The following PRKX variants were observed in gnomAD, a reference collection of about 807,000 sequenced individuals.
The protein encoded by PRKX is cAMP-dependent protein kinase catalytic subunit PRKX.
A neutral mutation model predicts 22.0 loss-of-function variants in PRKX; 12 were observed. That is an observed-to-expected ratio of 0.54 (90% CI 0.35 to 0.88). The LOEUF is 0.88. Ranked by LOEUF, PRKX falls within the 40% of genes least tolerant of loss-of-function variation. The pLI is 0.01. For missense variants in PRKX, 217 were observed against 308.0 expected, an observed-to-expected ratio of 0.70 and a Z score of 2.21; for synonymous variants, 134 against 137.7, an observed-to-expected ratio of 0.97 and a Z score of 0.19.
intron 3 of PRKX, among the ~76,000 whole-genome samples, chrX:3,652,896 A>G (rs1265522840): frequency 9.1e-6 from 1 of 110,265 alleles, no homozygotes; most frequent in African/African-American, 3.3e-5. Flanking sequence ...CAGGGAGGAG[A>G]CAGCGTCTCC....
intron 1 of PRKX, among the ~76,000 whole-genome samples, chrX:3,681,338 G>A (rs766819463): frequency 1.8e-5 from 2 of 110,733 alleles, no homozygotes; most frequent in South Asian, 7.7e-4. Flanking sequence ...GGGCAACATA[G>A]TGAGACCCTG....
intron 2 of PRKX, among the ~76,000 whole-genome samples, chrX:3,673,371 G>A (rs1927886676): frequency 9.0e-6 from 1 of 111,513 alleles, no homozygotes; most frequent in African/African-American, 3.3e-5. Flanking sequence ...ATACTGGTAG[G>A]AGGATGCTGC....
At chrX:3,682,579 C>T (rs1201779813) in intron 1 of PRKX, among the ~76,000 whole-genome samples, 3 of 111,263 alleles carry the variant, frequency 2.7e-5, no homozygotes, top group African/African-American at 9.8e-5. Context: ...GTGAGGTCAT[C>T]CTGAAGGTGG....
At chrX:3,665,155 TGCTTGTGTGTGTGC>T (rs1295669912) in intron 2 of PRKX, among the ~76,000 whole-genome samples, 4 of 111,704 alleles carry the variant, frequency 3.6e-5, no homozygotes, top group Admixed American at 9.5e-5. Flanking sequence ...CACGTGTGTG[TGCTTGTGTGTGTGC>T]GTGCTTGTGT....
chrX:3,705,301 A>G (rs915291966), intron 1 of PRKX, among the ~76,000 whole-genome samples: 4 of 111,404 alleles, frequency 3.6e-5, no homozygotes, highest in African/African-American at 1.3e-4. Context: ...TTATAAGGAC[A>G]TTGATCCCAT....
intron 1 of PRKX, among the ~76,000 whole-genome samples, chrX:3,703,977 T>C (rs1200637118): frequency 9.0e-6 from 1 of 111,009 alleles, no homozygotes; most frequent in Admixed American, 9.7e-5. Context: ...CGGCCTCTAA[T>C]GGCTATTTAT....
At chrX:3,639,943 C>T (rs1927035757) in intron 4 of PRKX, among the ~76,000 whole-genome samples, 2 of 111,321 alleles carry the variant, frequency 1.8e-5, no homozygotes, top group South Asian at 3.8e-4. Context: ...CAGGAACAAG[C>T]GCTCGGTGCT....
intron 1 of PRKX, among the ~76,000 whole-genome samples, chrX:3,708,879 C>G (rs1928732590): frequency 9.3e-6 from 1 of 107,979 alleles, no homozygotes; most frequent in Admixed American, 1.0e-4. Flanking sequence ...CGAGCAAGAC[C>G]GAGGGGTGTT....
rs1283069973 is a variant in PRKX, at chrX:3,616,976, A to G, written c.874-1084T>C. 3.6e-5 allele frequency among the ~76,000 whole-genome samples: 4 copies of G among 111,444 alleles called. No homozygotes were observed. In the Admixed American group the frequency reaches 3.9e-4, roughly 11 times the overall value. ...TCTGTATATACTCACATGCATACAT[A>G]GTAATATATACACACACACATACAT... On this transcript the variant is annotated intron_variant, in intron 6 of 8. Coordinates refer to ENST00000262848, the MANE Select transcript of PRKX (RefSeq NM_005044.5).
intron 2 of PRKX, among the ~76,000 whole-genome samples, chrX:3,667,023 C>G (rs1927747983): frequency 9.1e-6 from 1 of 109,311 alleles, no homozygotes; most frequent in South Asian, 4.0e-4. Context: ...AGAGAGCAAT[C>G]TATGAATCTA....
intron 1 of PRKX, among the ~76,000 whole-genome samples, chrX:3,709,183 C>CAAA (rs35004174): frequency 1.1e-4 from 5 of 47,552 alleles, no homozygotes; most frequent in Non-Finnish European, 1.2e-4. Context: ...GACCCTGTCT[C>CAAA]AAAAAAAAAA....
At chrX:3,615,785 T>C (rs1926407084) in intron 7 of PRKX, 30 bp downstream of exon 7, 1 of 1,165,486 alleles carries the variant, frequency 8.6e-7, no homozygotes, top group Non-Finnish European at 1.2e-6. Flanking sequence ...AGCTCGGGCA[T>C]ACTGAGTCAC....
intron 4 of PRKX, among the ~76,000 whole-genome samples, chrX:3,637,256 C>T (rs1441266383): frequency 9.0e-6 from 1 of 111,211 alleles, no homozygotes; most frequent in Non-Finnish European, 1.9e-5. Flanking sequence ...AGGCTGTTGT[C>T]TAAGAGGGGT....
chrX:3,636,724 G>A (rs1472118397), intron 4 of PRKX, among the ~76,000 whole-genome samples: 1 of 112,058 alleles, frequency 8.9e-6, no homozygotes, highest in Non-Finnish European at 1.9e-5. Context: ...GCTGGGCGTG[G>A]TGGCGCACAC....
intron 6 of PRKX, among the ~76,000 whole-genome samples, chrX:3,618,707 C>A (rs1926491512): frequency 9.0e-6 from 1 of 111,547 alleles, no homozygotes. Context: ...ACTTTAAGAC[C>A]TAGCTTGGGA....
intron 3 of PRKX, among the ~76,000 whole-genome samples, chrX:3,646,287 G>C (rs995130493): frequency 2.3e-4 from 24 of 105,083 alleles, no homozygotes; most frequent in Non-Finnish European, 4.3e-4. Flanking sequence ...GTGAGACTCC[G>C]TCTCAAAAAA....
At chrX:3,663,469 A>ACACACAC (rs1569054438) in intron 2 of PRKX, among the ~76,000 whole-genome samples, 3,191 of 52,752 alleles carry the variant, frequency 0.06, 156 homozygotes, top group Non-Finnish European at 0.075. Flanking sequence ...CACACACACA[A>ACACACAC]AAAAATTCAA....
At chrX:3,661,755 C>T (rs901976632) in intron 2 of PRKX, among the ~76,000 whole-genome samples, 4 of 111,858 alleles carry the variant, frequency 3.6e-5, no homozygotes, top group African/African-American at 9.7e-5. Flanking sequence ...TGGGATAGGA[C>T]GAGTTTAGTG....
intron 1 of PRKX, among the ~76,000 whole-genome samples, chrX:3,705,358 C>T (rs746328339): frequency 8.8e-4 from 98 of 111,652 alleles, no homozygotes; most frequent in Non-Finnish European, 1.6e-3. Flanking sequence ...AAAAGCCCCA[C>T]CTCCTAACAC....
Sources: allele counts gnomAD v4.1 joint callset (sites outside exome capture counted in the v4.1 genomes callset), GRCh38; gene constraint gnomAD v4.1.1; transcripts MANE v1.5; gene names NCBI Gene and HGNC (gene_info 2026-07-23, HGNC 2026-07-21).